Variants in GNG7 observed in about 807,000 individuals in gnomAD.
The protein encoded by GNG7 is guanine nucleotide-binding protein G(I)/G(S)/G(O) subunit gamma-7.
GNG7 carries 1 observed loss-of-function variant against 4.0 expected under a neutral mutation model. The observed-to-expected ratio is 0.25, with a 90% CI of 0.09 to 1.18. The LOEUF (loss-of-function observed/expected upper bound fraction) is 1.18. Among genes scored for constraint, GNG7 ranks in the 50% most tolerant of loss-of-function variants. GNG7 has a pLI of 0.50. For synonymous variants in GNG7, 34 were observed against 36.9 expected, an observed-to-expected ratio of 0.92 and a Z score of 0.29; for missense variants, 86 against 91.9, an observed-to-expected ratio of 0.94 and a Z score of 0.26.
At chr19:2,576,456 C>A (rs1361401135) in intron 2 of GNG7, among the ~76,000 whole-genome samples, 1 of 152,220 alleles carries the variant, frequency 6.6e-6, no homozygotes, top group Non-Finnish European at 1.5e-5. Flanking sequence ...GGGGGACGGG[C>A]ACTGCAGCAG....
chr19:2,651,614 G>A (rs1401953804), intron 1 of GNG7, among the ~76,000 whole-genome samples: 1 of 142,418 alleles, frequency 7.0e-6, no homozygotes, highest in African/African-American at 2.6e-5. Flanking sequence ...CACCCAGGCT[G>A]GAGTGCAGTG....
chr19:2,673,623 G>A (rs775572390), intron 1 of GNG7, among the ~76,000 whole-genome samples: 1 of 151,432 alleles, frequency 6.6e-6, no homozygotes, highest in Non-Finnish European at 1.5e-5. Context: ...AACCCAGGAG[G>A]TGGAGGTTGC....
intron 1 of GNG7, among the ~76,000 whole-genome samples, chr19:2,661,252 AG>A (rs1983139487): frequency 4.7e-5 from 4 of 84,466 alleles, no homozygotes; most frequent in Non-Finnish European, 6.8e-5. Flanking sequence ...AAGAAAAGAA[AG>A]AAAGAAAGAA....
intron 2 of GNG7, among the ~76,000 whole-genome samples, chr19:2,582,014 A>G (rs958091861): frequency 4.6e-5 from 7 of 152,224 alleles, no homozygotes; most frequent in African/African-American, 1.7e-4. Context: ...TGAAAAAGCA[A>G]AATGGAAATA....
At chr19:2,598,581 C>G (rs1257600035) in intron 2 of GNG7, among the ~76,000 whole-genome samples, 1 of 151,670 alleles carries the variant, frequency 6.6e-6, no homozygotes, top group Non-Finnish European at 1.5e-5. Flanking sequence ...GGTGTGAACC[C>G]AGGAGGCAGA....
intron 1 of GNG7, among the ~76,000 whole-genome samples, chr19:2,681,180 C>CT (rs923779650): frequency 6.6e-6 from 1 of 151,442 alleles, no homozygotes; most frequent in African/African-American, 2.4e-5. Flanking sequence ...TAGCAACCAA[C>CT]TTTTTTTATT....
At chr19:2,532,651 G>A (rs1182971056) in intron 3 of GNG7, among the ~76,000 whole-genome samples, 2 of 152,172 alleles carry the variant, frequency 1.3e-5, no homozygotes, top group Non-Finnish European at 2.9e-5. Flanking sequence ...CAAAAGAAAT[G>A]TCCTAAAAAG....
chr19:2,573,378 A>AGC (rs1980209740), intron 2 of GNG7, among the ~76,000 whole-genome samples: 1 of 152,052 alleles, frequency 6.6e-6, no homozygotes. Context: ...CCCACTCCCC[A>AGC]GCCAAGTTTC....
intron 3 of GNG7, among the ~76,000 whole-genome samples, chr19:2,536,738 C>T (rs2144742297): frequency 6.6e-6 from 1 of 152,182 alleles, no homozygotes; most frequent in African/African-American, 2.4e-5. Context: ...GCTTTCTCGG[C>T]TGTAAAGTTC....
At chr19:2,623,066 G>C (rs1248260285) in intron 2 of GNG7, among the ~76,000 whole-genome samples, 2 of 152,190 alleles carry the variant, frequency 1.3e-5, no homozygotes, top group East Asian at 3.8e-4. Context: ...CTGTGTCCCA[G>C]GAGGCAAAAA....
intron 1 of GNG7, among the ~76,000 whole-genome samples, chr19:2,664,927 CT>C (rs1420439903): frequency 1.3e-5 from 2 of 152,150 alleles, no homozygotes; most frequent in African/African-American, 2.4e-5. Context: ...CCAGTGTCCC[CT>C]GGGGCAGAAT....
At chr19:2,583,876 T>G (rs1362240729) in intron 2 of GNG7, among the ~76,000 whole-genome samples, 2 of 152,084 alleles carry the variant, frequency 1.3e-5, no homozygotes, top group South Asian at 2.1e-4. Context: ...TGTGGAAAGA[T>G]TCCCATAATA....
intron 3 of GNG7, among the ~76,000 whole-genome samples, chr19:2,548,550 T>C (rs1175252252): frequency 1.4e-5 from 2 of 139,614 alleles, no homozygotes; most frequent in Non-Finnish European, 3.1e-5. Flanking sequence ...GCACTTTGGG[T>C]GGCTGAGGTG....
chr19:2,649,058 G>A (rs529504462), intron 1 of GNG7, among the ~76,000 whole-genome samples: 14 of 151,426 alleles, frequency 9.2e-5, no homozygotes, highest in African/African-American at 2.7e-4. Flanking sequence ...TAGTTTTTAT[G>A]TTCTGGGAAG....
chr19:2,614,288 T>C lies in GNG7; in HGVS notation c.-78+31936A>G, dbSNP rs527292949. ...CCTCTGTGTACCCGCAGGGGGGCCC[T>C]GCACGTCGGGTCTCAGGCACATGTG... On this transcript the variant is annotated intron_variant, in intron 2 of 4. Coordinates refer to ENST00000382159, the MANE Select transcript of GNG7 (RefSeq NM_052847.3). This position sits in a 1 kb window ranked among gnomAD's most constrained non-coding sequence, Gnocchi z 6.0. Among the ~76,000 whole-genome samples the C allele has an allele frequency of 8.1e-4, 123 of 152,328 alleles. No individual in the cohort carries two copies. The highest frequency in any genetic ancestry group is 3.4e-3 in the Middle Eastern group (1 of 294).
intron 2 of GNG7, among the ~76,000 whole-genome samples, chr19:2,583,516 T>G (rs1980561384): frequency 6.6e-6 from 1 of 152,120 alleles, no homozygotes; most frequent in Non-Finnish European, 1.5e-5. Flanking sequence ...GCAAGACCCC[T>G]TGTTGGTGCA....
chr19:2,689,332 C>A (rs1913080151), intron 1 of GNG7, among the ~76,000 whole-genome samples: 1 of 151,792 alleles, frequency 6.6e-6, no homozygotes, highest in African/African-American at 2.4e-5. Flanking sequence ...AATAAACGCT[C>A]CTAACAAGAC....
chr19:2,602,905 CT>C (rs1555697059), intron 2 of GNG7, among the ~76,000 whole-genome samples: 1 of 150,322 alleles, frequency 6.7e-6, no homozygotes, highest in East Asian at 2.0e-4. Flanking sequence ...CTTTTTCTTT[CT>C]TTCTTTCTTT....
intron 2 of GNG7, among the ~76,000 whole-genome samples, chr19:2,567,143 C>CA (rs1231987195): frequency 4.2e-3 from 550 of 130,078 alleles, no homozygotes; most frequent in Middle Eastern, 7.5e-3. Context: ...AAAAAAAAAA[C>CA]AAAAAAAAAA....
Sources: allele counts gnomAD v4.1 joint callset (sites outside exome capture counted in the v4.1 genomes callset), GRCh38; gene constraint gnomAD v4.1.1; non-coding constraint Gnocchi (gnomAD v3.1); transcripts MANE v1.5; gene names NCBI Gene and HGNC (gene_info 2026-07-23, HGNC 2026-07-21).